The following CNTNAP2 variants were observed in gnomAD, a reference collection of about 807,000 sequenced individuals.
CNTNAP2 encodes the protein contactin-associated protein-like 2.
A neutral mutation model predicts 155.2 loss-of-function variants in CNTNAP2; 98 were observed. The observed-to-expected ratio is 0.63, with a 90% CI of 0.54 to 0.75. The LOEUF (loss-of-function observed/expected upper bound fraction) is 0.75. Among genes scored for constraint, CNTNAP2 ranks in the 30% least tolerant of loss-of-function variants. The probability of loss-of-function intolerance (pLI) is 0.00; values close to 1 mark genes in which losing one functional copy is unlikely to be tolerated. For missense variants in CNTNAP2, 1,727 were observed against 1,688.1 expected, an observed-to-expected ratio of 1.02 and a Z score of -0.40; for synonymous variants, 651 against 631.2, an observed-to-expected ratio of 1.03 and a Z score of -0.47.
At chr7:146,662,628 T>G (rs10952649) in intron 1 of CNTNAP2, among the ~76,000 whole-genome samples, 91,306 of 151,930 alleles carry the variant, frequency 0.6, 31,316 homozygotes, top group South Asian at 0.85. Flanking sequence ...TATTTATCAG[T>G]GTTTTTCCTG....
intron 10 of CNTNAP2, among the ~76,000 whole-genome samples, chr7:147,404,945 T>A (rs1219952934): frequency 6.6e-6 from 1 of 152,108 alleles, no homozygotes; most frequent in East Asian, 1.9e-4. Flanking sequence ...AGGAGATAAC[T>A]CTCCTAAGAA....
chr7:147,500,926 A>G (rs1211550019), intron 11 of CNTNAP2, among the ~76,000 whole-genome samples: 1 of 152,092 alleles, frequency 6.6e-6, no homozygotes, highest in Non-Finnish European at 1.5e-5. Flanking sequence ...AGACTAGGAG[A>G]CTACAATTAA....
intron 12 of CNTNAP2, among the ~76,000 whole-genome samples, chr7:147,636,603 C>A (rs1312594326): frequency 6.6e-6 from 1 of 152,022 alleles, no homozygotes; most frequent in Non-Finnish European, 1.5e-5. Context: ...TTACCCTGCA[C>A]CCCCCAACAA....
chr7:147,192,962 T>C (rs1303879663), intron 8 of CNTNAP2, among the ~76,000 whole-genome samples: 1 of 152,214 alleles, frequency 6.6e-6, no homozygotes. Context: ...AGAATTGTAT[T>C]TTTGCAGTCT....
chr7:148,011,456 A>G (rs719310), intron 15 of CNTNAP2, among the ~76,000 whole-genome samples: 6,048 of 152,092 alleles, frequency 0.04, 249 homozygotes, highest in East Asian at 0.24. Context: ...TCTTAAGTAT[A>G]TTTGTTTTGT....
chr7:148,394,127 T>C (rs111301298), intron 22 of CNTNAP2, among the ~76,000 whole-genome samples: 2 of 152,170 alleles, frequency 1.3e-5, no homozygotes, highest in Admixed American at 6.5e-5. Flanking sequence ...ATTTTTTAAA[T>C]TATTCCATGT....
chr7:148,110,164 A>C (rs1400606462), intron 15 of CNTNAP2, among the ~76,000 whole-genome samples: 1 of 152,072 alleles, frequency 6.6e-6, no homozygotes, highest in Non-Finnish European at 1.5e-5. Context: ...TTCAGCTTTT[A>C]ATATTTAACT....
intron 23 of CNTNAP2, among the ~76,000 whole-genome samples, chr7:148,414,099 T>TTCCCCCCC (rs1799921560): frequency 8.7e-6 from 1 of 115,176 alleles, no homozygotes; most frequent in African/African-American, 3.3e-5. Flanking sequence ...TTAGACAGAG[T>TTCCCCCCC]CCCCCCCCCC....
At chr7:147,678,357 A>C (rs1361690439) in intron 13 of CNTNAP2, among the ~76,000 whole-genome samples, 3 of 151,906 alleles carry the variant, frequency 2.0e-5, no homozygotes. Context: ...TGCTAGGATT[A>C]TTTTACTAAT....
chr7:146,646,938 A>T (rs1421532068), intron 1 of CNTNAP2, among the ~76,000 whole-genome samples: 1 of 152,190 alleles, frequency 6.6e-6, no homozygotes, highest in Non-Finnish European at 1.5e-5. Flanking sequence ...ATTATAAAGA[A>T]AATCCTAGAA....
intron 14 of CNTNAP2, among the ~76,000 whole-genome samples, chr7:147,955,352 A>G (rs758756266): frequency 1.4e-4 from 22 of 152,072 alleles, no homozygotes; most frequent in Non-Finnish European, 2.8e-4. Flanking sequence ...AACATTAAAA[A>G]CCCTCTACTT....
intron 8 of CNTNAP2, among the ~76,000 whole-genome samples, chr7:147,271,289 G>A (rs1049039236): frequency 6.6e-6 from 1 of 152,124 alleles, no homozygotes; most frequent in Non-Finnish European, 1.5e-5. Context: ...CCAGCTTCAT[G>A]AGATTATTTA....
intron 13 of CNTNAP2, among the ~76,000 whole-genome samples, chr7:147,754,262 A>G (rs1797183299): frequency 6.6e-6 from 1 of 152,196 alleles, no homozygotes; most frequent in African/African-American, 2.4e-5. Context: ...AATGTACTAG[A>G]CACTTTTGGA....
intron 15 of CNTNAP2, among the ~76,000 whole-genome samples, chr7:148,110,023 G>A (rs1378317756): frequency 6.6e-6 from 1 of 151,270 alleles, no homozygotes; most frequent in Non-Finnish European, 1.5e-5. Flanking sequence ...AATGAAACTT[G>A]TTTAATCCTA....
intron 1 of CNTNAP2, among the ~76,000 whole-genome samples, chr7:146,598,717 T>G (rs1585000191): frequency 1.3e-5 from 2 of 152,176 alleles, no homozygotes; most frequent in East Asian, 3.9e-4. Context: ...CCTCAGATTT[T>G]CTTTCTCAAA....
intron 13 of CNTNAP2, among the ~76,000 whole-genome samples, chr7:147,867,424 C>T (rs558886360): frequency 6.6e-6 from 1 of 152,074 alleles, no homozygotes; most frequent in South Asian, 2.1e-4. Context: ...CGGTTATGTA[C>T]CTTGGAGTGG....
chr7:147,910,831 C>T (rs1213234981), intron 14 of CNTNAP2, among the ~76,000 whole-genome samples: 2 of 152,170 alleles, frequency 1.3e-5, no homozygotes, highest in Non-Finnish European at 2.9e-5. Flanking sequence ...GGGATTATTA[C>T]ACCTCTGGGT....
chr7:146,418,405 G>A (rs959488524), intron 1 of CNTNAP2, among the ~76,000 whole-genome samples: 1 of 152,080 alleles, frequency 6.6e-6, no homozygotes, highest in African/African-American at 2.4e-5. Flanking sequence ...AATAGAAAAG[G>A]TAGAAAAATG....
At chr7:148,301,590 A>T (rs890158545) in intron 21 of CNTNAP2, among the ~76,000 whole-genome samples, 6 of 152,162 alleles carry the variant, frequency 3.9e-5, no homozygotes, top group Non-Finnish European at 5.9e-5. Flanking sequence ...TAAGTACCCA[A>T]TTAGTGATTT....
Sources: gnomAD v4.1 joint callset for allele counts (sites outside exome capture counted in the v4.1 genomes callset) on GRCh38, gnomAD v4.1.1 for gene constraint, MANE v1.5 for transcripts, NCBI Gene and HGNC (gene_info 2026-07-23, HGNC 2026-07-21) for gene names.